The following SATL1 variants were observed in gnomAD, a reference collection of about 807,000 sequenced individuals.
The protein encoded by SATL1 is spermidine/spermine N1-acetyl transferase like 1, also known as spermidine/spermine N(1)-acetyltransferase-like protein 1.
A neutral mutation model predicts 51.8 loss-of-function variants in SATL1; 47 were observed. That is an observed-to-expected ratio of 0.91 (90% confidence interval 0.72 to 1.16). The LOEUF is 1.16. Among genes scored for constraint, SATL1 ranks in the 50% most tolerant of loss-of-function variants. The pLI is 0.00. For synonymous variants in SATL1, 176 were observed against 182.4 expected (o/e 0.97, Z 0.28); for missense variants, 520 against 526.4 (o/e 0.99, Z 0.12).
chrX:85,167,796 C>G (rs1432006105), intron 2 of SATL1, among the ~76,000 whole-genome samples: 1 of 111,063 alleles, frequency 9.0e-6, no homozygotes, highest in Admixed American at 9.6e-5. Flanking sequence ...TAGCATCATC[C>G]TGATACCAAA....
chrX:85,227,783 G>T (rs769487840), intron 1 of SATL1, among the ~76,000 whole-genome samples: 3 of 111,614 alleles, frequency 2.7e-5, no homozygotes, highest in Non-Finnish European at 5.7e-5. Context: ...CTTTATGTGG[G>T]CTACAATTCA....
intron 2 of SATL1, among the ~76,000 whole-genome samples, chrX:85,180,702 G>A (rs1290051866): frequency 9.1e-6 from 1 of 110,222 alleles, no homozygotes; most frequent in Non-Finnish European, 1.9e-5. Flanking sequence ...CAATTATATT[G>A]GAGTAGGCAG....
intron 2 of SATL1, among the ~76,000 whole-genome samples, chrX:85,125,372 TG>T (rs1474773458): frequency 9.0e-6 from 1 of 111,349 alleles, no homozygotes; most frequent in Non-Finnish European, 1.9e-5. Context: ...CGTGGAAATG[TG>T]GGTACCTTCC....
At chrX:85,142,405 A>T (rs1340831308) in intron 2 of SATL1, among the ~76,000 whole-genome samples, 1 of 108,494 alleles carries the variant, frequency 9.2e-6, no homozygotes, top group Non-Finnish European at 1.9e-5. Context: ...CAAAAAAAAA[A>T]AAAAAAAAAT....
intron 2 of SATL1, among the ~76,000 whole-genome samples, chrX:85,192,479 T>C (rs892226650): frequency 9.0e-6 from 1 of 111,067 alleles, no homozygotes; most frequent in Non-Finnish European, 1.9e-5. Flanking sequence ...TTTCACACTT[T>C]CCACATTTTA....
At chrX:85,167,798 G>A (rs1926874390) in intron 2 of SATL1, among the ~76,000 whole-genome samples, 1 of 110,999 alleles carries the variant, frequency 9.0e-6, no homozygotes, top group African/African-American at 3.3e-5. Context: ...GCATCATCCT[G>A]ATACCAAAAC....
intron 2 of SATL1, among the ~76,000 whole-genome samples, chrX:85,223,561 G>A (rs922410481): frequency 1.3e-4 from 15 of 111,119 alleles, no homozygotes; most frequent in Non-Finnish European, 2.8e-4. Context: ...TGGATGATGA[G>A]CCAAGATAAG....
chrX:85,171,380 A>G (rs1926970038), intron 2 of SATL1, among the ~76,000 whole-genome samples: 1 of 111,974 alleles, frequency 8.9e-6, no homozygotes, highest in South Asian at 3.6e-4. Context: ...ACTTTCTTGT[A>G]TCGTTATTTC....
intron 4 of SATL1, among the ~76,000 whole-genome samples, chrX:85,100,588 G>A (rs1924867988): frequency 8.9e-6 from 1 of 111,894 alleles, no homozygotes; most frequent in African/African-American, 3.2e-5. Flanking sequence ...ACAACCCTGT[G>A]TATGCATAGG....
At chrX:85,130,954 G>A (rs187464763) in intron 2 of SATL1, among the ~76,000 whole-genome samples, 16,235 of 111,480 alleles carry the variant, frequency 0.15, 1,270 homozygotes, top group African/African-American at 0.29. Context: ...TAGTTGTGCG[G>A]TTTTGATTGA....
At chrX:85,221,873 G>A (rs1415061099) in intron 2 of SATL1, among the ~76,000 whole-genome samples, 1 of 112,137 alleles carries the variant, frequency 8.9e-6, no homozygotes, top group Admixed American at 9.4e-5. Context: ...TACAACACAA[G>A]ACCAAGCTCT....
At chrX:85,104,329 AGGCTTTTTTATTGT>A (rs1924977140) in intron 3 of SATL1, among the ~76,000 whole-genome samples, 1 of 111,763 alleles carries the variant, frequency 8.9e-6, no homozygotes, top group African/African-American at 3.2e-5. Flanking sequence ...GTTTAACCTG[AGGCTTTTTTATTGT>A]GGCTTTTTAC....
At chrX:85,133,340 A>T (rs1371707922) in intron 2 of SATL1, among the ~76,000 whole-genome samples, 4 of 111,788 alleles carry the variant, frequency 3.6e-5, no homozygotes, top group Non-Finnish European at 7.5e-5. Flanking sequence ...TCCGCTTTGT[A>T]TACCTACTCA....
intron 2 of SATL1, chrX:85,156,198 T>C (rs1480584310): frequency 9.0e-6 from 1 of 111,648 alleles, no homozygotes; most frequent in Admixed American, 9.6e-5. Flanking sequence ...TTCTCTTGGG[T>C]ATAGTCTGAA....
At chrX:85,124,836 G>A (rs12007090) in intron 2 of SATL1, among the ~76,000 whole-genome samples, 2 of 110,980 alleles carry the variant, frequency 1.8e-5, no homozygotes, top group African/African-American at 6.6e-5. Flanking sequence ...GGTGCCCCAA[G>A]GCTCAATAAA....
At chrX:85,106,186 A>T (rs1333794819) in intron 3 of SATL1, among the ~76,000 whole-genome samples, 1 of 112,178 alleles carries the variant, frequency 8.9e-6, no homozygotes, top group Non-Finnish European at 1.9e-5. Context: ...AAGAATGTGG[A>T]TCTGTAATAA....
intron 3 of SATL1, 111 bp from the exon 4 acceptor site, chrX:85,104,026 T>G: frequency 1.9e-6 from 1 of 530,428 alleles, no homozygotes; most frequent in Non-Finnish European, 3.1e-6. Context: ...TCCTGGGCAG[T>G]GTTAAAAGTG....
chrX:85,157,958 G>A (rs1165034610), intron 2 of SATL1, among the ~76,000 whole-genome samples: 1 of 111,301 alleles, frequency 9.0e-6, no homozygotes, highest in Non-Finnish European at 1.9e-5. Flanking sequence ...ATGGACTACA[G>A]GTTAACAACT....
chrX:85,171,093 T>C (rs1298958900), intron 2 of SATL1, among the ~76,000 whole-genome samples: 2 of 111,499 alleles, frequency 1.8e-5, no homozygotes, highest in African/African-American at 3.2e-5. Context: ...GAAATACTAA[T>C]AGAATAATAT....
Sources: gnomAD v4.1 joint callset for allele counts (sites outside exome capture counted in the v4.1 genomes callset) on GRCh38, gnomAD v4.1.1 for gene constraint, MANE v1.5 for transcripts, NCBI Gene and HGNC (gene_info 2026-07-23, HGNC 2026-07-21) for gene names.